The following RAB6A variants were observed in gnomAD, a reference collection of about 807,000 sequenced individuals.
RAB6A encodes the protein ras-related protein Rab-6A.
RAB6A carries 8 observed loss-of-function variants against 32.3 expected under a neutral mutation model. The ratio of observed to expected loss-of-function variants is 0.25; its 90% confidence interval spans 0.15 to 0.45. RAB6A has a LOEUF of 0.45. RAB6A is among the 20% of genes least tolerant of loss of function. The pLI is 1.00. For synonymous variants in RAB6A, 73 were observed against 82.1 expected (o/e 0.89, Z 0.60); for missense variants, 104 against 249.4 (o/e 0.42, Z 3.93).
intron 6 of RAB6A, among the ~76,000 whole-genome samples, chr11:73,698,630 T>C (rs554258764): frequency 1.3e-5 from 2 of 152,248 alleles, no homozygotes; most frequent in South Asian, 2.1e-4. Flanking sequence ...TTCCTTCTTG[T>C]ATTCGACAAG....
Position 73,707,448 on chromosome 11 carries a change from C to T in RAB6A, c.467G>A (p.Ser156Asn). 1.2e-6 allele frequency: 2 copies of T among 1,613,572 alleles called. No homozygotes were observed. Among genetic ancestry groups the T allele is most frequent in the Non-Finnish European group, 1.7e-6 (2 of 1,179,610 alleles). The change falls in exon 6 of 8, where the codon AGT becomes AAT. Residue 156 changes from serine to asparagine, a missense_variant. Physicochemically the swap from Ser to Asn is conservative, Grantham distance 46. Coordinates refer to ENST00000336083, the MANE Select transcript of RAB6A (RefSeq NM_198896.2). The part of the protein sequence containing the change: ...KELNVMFIET[S>N]AKAGYNVKQL... ...CTTTACATTGTATCCAGCTTTTGCA[C>T]TAGTTTCAATAAACATAACATTCAG...
intron 2 of RAB6A, among the ~76,000 whole-genome samples, chr11:73,723,281 T>TGG (rs4019418): frequency 0.13 from 19,975 of 151,314 alleles, 1,508 homozygotes; most frequent in African/African-American, 0.21. Flanking sequence ...TTCCAAATAC[T>TGG]GGGGGGGAAA....
intron 6 of RAB6A, among the ~76,000 whole-genome samples, chr11:73,686,748 A>G (rs1220288217): frequency 6.6e-6 from 1 of 152,170 alleles, no homozygotes; most frequent in African/African-American, 2.4e-5. Context: ...GTACATAACT[A>G]ACAAAGTATT....
chr11:73,737,452 C>T (rs1946417007), intron 1 of RAB6A, among the ~76,000 whole-genome samples: 1 of 152,114 alleles, frequency 6.6e-6, no homozygotes, highest in Non-Finnish European at 1.5e-5. Flanking sequence ...CACTGCACTC[C>T]AGCCTGGGTG....
chr11:73,729,449 T>C (rs578192548), intron 2 of RAB6A: 4 of 152,286 alleles, frequency 2.6e-5, no homozygotes, highest in Admixed American at 2.6e-4. Context: ...CTTTTCTGAT[T>C]TCAGAACTTG....
chr11:73,704,828 C>G (rs991910371), intron 6 of RAB6A, among the ~76,000 whole-genome samples: 12 of 151,688 alleles, frequency 7.9e-5, no homozygotes, highest in Non-Finnish European at 1.6e-4. Flanking sequence ...AACCCCCTAT[C>G]TACTAAAAAT....
intron 6 of RAB6A, among the ~76,000 whole-genome samples, chr11:73,684,299 G>A (rs987699190): frequency 1.3e-5 from 2 of 151,750 alleles, no homozygotes; most frequent in African/African-American, 4.8e-5. Context: ...CTCCTGAGTA[G>A]ATGAGATTAC....
chr11:73,714,208 AAATAT>A (rs1164526690), intron 5 of RAB6A, among the ~76,000 whole-genome samples: 2 of 74,146 alleles, frequency 2.7e-5, no homozygotes, highest in African/African-American at 8.7e-5. Flanking sequence ...AAAAAAAAAA[AAATAT>A]ATATATATAT....
chr11:73,730,566 AGAG>A, intron 2 of RAB6A, 196 bp downstream of exon 2: 1 of 516,032 alleles, frequency 1.9e-6, no homozygotes, highest in Non-Finnish European at 3.4e-6. Flanking sequence ...AGACTTTGGA[AGAG>A]ACAAAAGAAA....
At chr11:73,714,227 T>TATATAC (rs1555059819) in intron 5 of RAB6A, among the ~76,000 whole-genome samples, 13 of 140,958 alleles carry the variant, frequency 9.2e-5, no homozygotes, top group African/African-American at 3.1e-4. Context: ...TATATATATA[T>TATATAC]ATACACACAT....
intron 1 of RAB6A, among the ~76,000 whole-genome samples, chr11:73,740,072 A>C (rs1946470663): frequency 6.6e-6 from 1 of 151,974 alleles, no homozygotes; most frequent in South Asian, 2.1e-4. Context: ...AAAAAGAAAA[A>C]AAAAAAAAAG....
At chr11:73,754,066 T>C (rs574815751) in intron 1 of RAB6A, among the ~76,000 whole-genome samples, 320 of 152,336 alleles carry the variant, frequency 2.1e-3, no homozygotes, top group Non-Finnish European at 3.2e-3. Context: ...AGGTCTATTA[T>C]CTTTATGTTA....
At chr11:73,702,517 T>C (rs1224649423) in intron 6 of RAB6A, among the ~76,000 whole-genome samples, 1 of 152,180 alleles carries the variant, frequency 6.6e-6, no homozygotes. Context: ...TTAACTAGTA[T>C]ACCTGATAAC....
chr11:73,685,238 G>A (rs1225274440), intron 6 of RAB6A, among the ~76,000 whole-genome samples: 1 of 150,854 alleles, frequency 6.6e-6, no homozygotes, highest in African/African-American at 2.4e-5. Context: ...TAAGTTAAGG[G>A]AAATAATTAT....
intron 1 of RAB6A, among the ~76,000 whole-genome samples, chr11:73,743,700 C>T (rs1399314922): frequency 1.3e-5 from 2 of 152,128 alleles, no homozygotes; most frequent in African/African-American, 4.8e-5. Context: ...AAACATAAAC[C>T]TCATCTGCCA....
chr11:73,741,485 T>C (rs1946495084), intron 1 of RAB6A, among the ~76,000 whole-genome samples: 1 of 151,990 alleles, frequency 6.6e-6, no homozygotes, highest in African/African-American at 2.4e-5. Context: ...TCCTTGGTAT[T>C]TACCCAAAAG....
Position 73,693,551 on chromosome 11 carries a change from T to G in RAB6A, c.496-13831A>C, listed in dbSNP as rs112950681. 5.7e-3 allele frequency among the ~76,000 whole-genome samples: 774 copies of G among 135,186 alleles called. 9 individuals are homozygous for G. The highest frequency in any genetic ancestry group is 0.02 in the African/African-American group (729 of 37,184). 88.7% of individuals were successfully genotyped at this position (135,186 alleles called of 152,430 possible). On this transcript the variant is annotated intron_variant, in intron 6 of 7. Transcript: ENST00000336083. Reference sequence around the variant, plus strand: ...ACCAGCCTGGGCAACATAGCAAGACTCCATCTTTTTTTTTTTTTTTTTTTT... The same window carrying G: ...ACCAGCCTGGGCAACATAGCAAGACGCCATCTTTTTTTTTTTTTTTTTTTT...
At chr11:73,743,481 G>C (rs148748651) in intron 1 of RAB6A, among the ~76,000 whole-genome samples, 492 of 152,178 alleles carry the variant, frequency 3.2e-3, no homozygotes, top group Non-Finnish European at 5.7e-3. Flanking sequence ...TGAGTTTGAA[G>C]CCAGGTGTGG....
At chr11:73,750,962 C>T (rs1436837271) in intron 1 of RAB6A, among the ~76,000 whole-genome samples, 1 of 151,986 alleles carries the variant, frequency 6.6e-6, no homozygotes, top group Non-Finnish European at 1.5e-5. Flanking sequence ...TGACACCACA[C>T]CTGGTTAATT....
Sources: allele counts gnomAD v4.1 joint callset (sites outside exome capture counted in the v4.1 genomes callset), GRCh38; gene constraint gnomAD v4.1.1; transcripts MANE v1.5; gene names NCBI Gene and HGNC (gene_info 2026-07-23, HGNC 2026-07-21).